PPRC1: variants seen among roughly 807,000 people sequenced by gnomAD.
PPRC1 encodes peroxisome proliferator-activated receptor gamma coactivator-related protein 1.
A neutral mutation model predicts 132.5 loss-of-function variants in PPRC1; 23 were observed. That is an observed-to-expected ratio of 0.17 (90% CI 0.12 to 0.25). The LOEUF (loss-of-function observed/expected upper bound fraction) is 0.25, where lower values mean the gene tolerates loss of function less well. Among genes scored for constraint, PPRC1 ranks in the 10% least tolerant of loss-of-function variants. The pLI is 1.00. For synonymous variants in PPRC1, 872 were observed against 833.5 expected (o/e 1.05, Z -0.80); for missense variants, 2,006 against 2,089.1 (o/e 0.96, Z 0.78).
Position 102,141,287 on chromosome 10 carries a change from C to A in PPRC1, c.2779C>A (p.Pro927Thr). 1.9e-6 allele frequency: 3 copies of A among 1,614,066 alleles called. No homozygotes were observed. Among genetic ancestry groups the A allele is most frequent in the Non-Finnish European group, 2.5e-6 (3 of 1,179,956 alleles). ...CCCCTTGCCATCCTGGCCTTGTTATCCTCATGTGTCCCCTTCTGGCTATCC... is the reference window on the plus strand; with the variant it reads ...CCCCTTGCCATCCTGGCCTTGTTATACTCATGTGTCCCCTTCTGGCTATCC... ...YAPLPSWPCYPHVSPSGYPCL... is the reference protein window; with the variant it reads ...YAPLPSWPCYTHVSPSGYPCL... Residue 927 changes from proline to threonine, a missense_variant, in exon 5 of 14, where the codon CCT becomes ACT. By Grantham distance (38) the Pro-to-Thr change is conservative. This residue lies in a region of PPRC1 where 1,914 missense variants were observed against 1,917.2 expected (regional missense o/e 1.00). Coordinates refer to ENST00000278070, the MANE Select transcript of PPRC1 (RefSeq NM_015062.5).
At chr10:102,144,448 C>G in intron 7 of PPRC1, 141 bp downstream of exon 7, 1 of 765,876 alleles carries the variant, frequency 1.3e-6, no homozygotes, top group Non-Finnish European at 2.1e-6. Flanking sequence ...CCACCCCTTA[C>G]TCTGCCTATC....
At chr10:102,127,117 G>A in the PPRC1 span, among the ~76,000 whole-genome samples, 1 of 146,342 alleles carries the variant, frequency 6.8e-6, no homozygotes, top group African/African-American at 2.6e-5. Flanking sequence ...GCTCAAGCCT[G>A]TAATCCCAGC....
In PPRC1 at chr10:102,140,348, C is replaced by A; in HGVS notation, c.1840C>A (p.Leu614Ile). ...PVPVDPGLVD[L>I]ASTSSELVEP... ...ACCTGTTGACCCTGGGTTGGTTGAC[C>A]TTGCTTCAACCAGCTCAGAACTGGT... Residue 614 changes from leucine (L) to isoleucine (I), a missense_variant, in exon 5 of 14, where the codon CTT becomes ATT. Coordinates refer to ENST00000278070, the MANE Select transcript of PPRC1 (RefSeq NM_015062.5). The A allele has an allele frequency of 6.2e-7, 1 of 1,614,194 alleles. No homozygotes were observed.
rs1246577021 is a variant in PPRC1 at position 102,140,816 on chromosome 10, A to G, written c.2308A>G (p.Arg770Gly). The G allele has an allele frequency of 6.2e-7, 1 of 1,613,818 alleles. No individual in the cohort carries two copies. The highest frequency in any genetic ancestry group is 8.5e-7 in the Non-Finnish European group (1 of 1,180,000). Reference protein sequence around the residue: ...RQQRQAETEERSPQPPTGKWP... With the variant: ...RQQRQAETEEGSPQPPTGKWP... The stretch of plus-strand genomic sequence containing the variant: ...GCAACGCCAAGCAGAAACAGAAGAG[A>G]GAAGTCCACAGCCCCCAACTGGGAA... Residue 770 changes from arginine (R) to glycine (G), a missense_variant, in exon 5 of 14, where the codon AGA becomes GGA. This residue lies in a region of PPRC1 where 1,914 missense variants were observed against 1,917.2 expected (regional missense o/e 1.00). Transcript: ENST00000278070.
At chr10:102,143,133 T>C (rs763419367) in intron 6 of PPRC1, 35 bp downstream of exon 6, 3 of 1,588,844 alleles carry the variant, frequency 1.9e-6, no homozygotes, top group African/African-American at 2.7e-5. Flanking sequence ...TCCAACTCTT[T>C]TTTTGGTGAT....
chr10:102,132,982 C>T (rs1311225651), upstream of PPRC1: 1 of 1,231,842 alleles, frequency 8.1e-7, no homozygotes, highest in Admixed American at 4.2e-5. Flanking sequence ...CTTGCAGTGT[C>T]ATTCGGGAGT....
In PPRC1 at chr10:102,145,014, C is replaced by T. The variant is rs759078377; in HGVS notation, c.3609-6C>T. ...AATCAGGCTTTCCCTTTTCCCCCCC[C>T]GCCAGCGGCGTTGACATTCCCCAGG... On this transcript the variant is annotated splice_region_variant and splice_polypyrimidine_tract_variant and intron_variant, in intron 7 of 13. Transcript: ENST00000278070. The T allele has an allele frequency of 5.1e-5, 80 of 1,565,710 alleles. No individual in the cohort carries two copies. The highest frequency in any genetic ancestry group is 6.6e-5 in the Non-Finnish European group (76 of 1,154,904).
the PPRC1 span, among the ~76,000 whole-genome samples, chr10:102,127,989 G>C: frequency 6.6e-6 from 1 of 152,166 alleles, no homozygotes; most frequent in Non-Finnish European, 1.5e-5. Context: ...GCACCTAGCT[G>C]GTTTAAGATT....
rs1320060305 is a variant in PPRC1, at chr10:102,147,326, C to T, written c.4334C>T (p.Ser1445Leu). ...NRTSEASSSSSSSSSSSRSRS... is the reference protein window; with the variant it reads ...NRTSEASSSSLSSSSSSRSRS... ...ACTAGCGAAGCATCTTCCTCATCCT[C>T]ATCATCGTCTTCCTCATCCCGATCT... Residue 1445 changes from serine (S) to leucine (L), a missense_variant, in exon 9 of 14, where the codon TCA (serine) becomes TTA (leucine). Ser to Leu is a moderately radical substitution (Grantham distance 145, BLOSUM62 -2). Transcript: ENST00000278070. The T allele has an allele frequency of 6.2e-7, 1 of 1,612,106 alleles. No homozygotes were observed. Among genetic ancestry groups the T allele is most frequent in the Admixed American group, 1.7e-5 (1 of 60,026 alleles).
chr10:102,135,296 A>T (rs2068681866), intron 1 of PPRC1, among the ~76,000 whole-genome samples: 1 of 152,202 alleles, frequency 6.6e-6, no homozygotes, highest in Admixed American at 6.5e-5. Flanking sequence ...CCTGTACTAC[A>T]GAGTAGTGGG....
intron 8 of PPRC1, 45 bp downstream of exon 8, chr10:102,145,135 C>G (rs1393921050): frequency 6.5e-7 from 1 of 1,534,092 alleles, no homozygotes; most frequent in Non-Finnish European, 9.0e-7. Context: ...GTCTATGCAG[C>G]AACACTTGCT....
At chr10:102,121,931 C>G in the PPRC1 span, among the ~76,000 whole-genome samples, 2 of 152,162 alleles carry the variant, frequency 1.3e-5, no homozygotes, top group East Asian at 3.9e-4. Flanking sequence ...CTTCTCTCCA[C>G]CTTAGGTTTT....
chr10:102,148,983 A>G lies in PPRC1; in HGVS notation c.4739+45A>G, dbSNP rs748426847. On this transcript the variant is annotated intron_variant, in intron 12 of 13. Transcript: ENST00000278070. This position sits in a 1 kb window ranked among gnomAD's most constrained non-coding sequence, Gnocchi z 4.2. Reference sequence around the variant, plus strand: ...TCAGGATGTTCTTTCTATCCCATTCATCTACCTTGGTGTTTCTTTGTCTTG... The same window carrying G: ...TCAGGATGTTCTTTCTATCCCATTCGTCTACCTTGGTGTTTCTTTGTCTTG... 2 of 1,606,668 alleles carry G rather than the reference A, an allele frequency of 1.2e-6. No individual in the cohort carries two copies. Among genetic ancestry groups the G allele is most frequent in the Non-Finnish European group, 1.7e-6 (2 of 1,176,672 alleles).
intron 1 of PPRC1, among the ~76,000 whole-genome samples, chr10:102,136,938 A>G: frequency 6.6e-6 from 1 of 152,168 alleles, no homozygotes; most frequent in Non-Finnish European, 1.5e-5. Context: ...CTTTCCATCT[A>G]GGGAATCAAG....
chr10:102,145,242 C>A, intron 8 of PPRC1, 152 bp downstream of exon 8: 1 of 737,292 alleles, frequency 1.4e-6, no homozygotes, highest in Non-Finnish European at 2.1e-6. Flanking sequence ...GACTTGTAAA[C>A]GAATGAGCAT....
chr10:102,141,960 C>G lies in PPRC1; in HGVS notation c.3452C>G (p.Thr1151Ser), dbSNP rs1161777584. 1 of 1,613,816 alleles carries G rather than the reference C, an allele frequency of 6.2e-7. No homozygotes were observed. The highest frequency in any genetic ancestry group is 8.5e-7 in the Non-Finnish European group (1 of 1,179,790). ...RKLSFLPTPR[T>S]QGSEDVVQAF... ...CTGTCCTTCCTGCCTACCCCACGTA[C>G]TCAGGGTTCTGAAGATGTGGTACAG... is the stretch of plus-strand genomic sequence containing the variant. Residue 1151 changes from threonine (T) to serine (S), a missense_variant, in exon 5 of 14, where the codon ACT (threonine) becomes AGT (serine). Transcript: ENST00000278070.
intron 5 of PPRC1, 100 bp from the exon 6 acceptor site, chr10:102,142,945 G>A: frequency 9.9e-7 from 1 of 1,008,446 alleles, no homozygotes; most frequent in Non-Finnish European, 1.5e-6. Flanking sequence ...AGGGCAGGGG[G>A]AGTGGAAAGG....
chr10:102,128,787 T>C (rs1403216393), upstream of PPRC1, among the ~76,000 whole-genome samples: 1 of 150,506 alleles, frequency 6.6e-6, no homozygotes, highest in Non-Finnish European at 1.5e-5. Context: ...GCTAATTTTT[T>C]GTATTTTTGG....
rs1034007693 is a variant in PPRC1, at chr10:102,148,625, C to T, written c.4551-3C>T. ...GGGGGCTGATGACACCCTCTTTTGT[C>T]AGGTACAGCTCTTATCGTTCACATG... On this transcript the variant is annotated splice_polypyrimidine_tract_variant and splice_region_variant and intron_variant, in intron 10 of 13. Coordinates refer to ENST00000278070, the MANE Select transcript of PPRC1 (RefSeq NM_015062.5). The surrounding 1 kb of genome is among the most constrained non-coding windows in gnomAD (Gnocchi z 4.2). The T allele has an allele frequency of 1.9e-6, 3 of 1,614,086 alleles. No homozygotes were observed. Among genetic ancestry groups the T allele is most frequent in the Admixed American group, 3.3e-5 (2 of 60,012 alleles).
Sources: allele counts gnomAD v4.1 joint callset (sites outside exome capture counted in the v4.1 genomes callset), GRCh38; gene constraint gnomAD v4.1.1; regional missense constraint gnomAD v4.1.1; non-coding constraint Gnocchi (gnomAD v3.1); transcripts MANE v1.5; gene names NCBI Gene and HGNC (gene_info 2026-07-23, HGNC 2026-07-21).